The following GRHL2 variants were observed in gnomAD, a reference collection of about 807,000 sequenced individuals.
GRHL2 encodes the protein grainyhead-like protein 2 homolog.
GRHL2 carries 21 observed loss-of-function variants against 83.8 expected under a neutral mutation model. That is an observed-to-expected ratio of 0.25 (90% CI 0.18 to 0.36). GRHL2 has a LOEUF of 0.36. GRHL2 is among the 10% of genes least tolerant of loss of function. GRHL2 has a pLI of 1.00. For missense variants in GRHL2, 623 were observed against 781.8 expected (o/e 0.80, Z 2.42); for synonymous variants, 280 against 278.9 (o/e 1.00, Z -0.04).
rs3824091 is a variant in GRHL2 at position 101,666,989 on chromosome 8, G to A, written c.*286G>A. 0.25 allele frequency: 128,498 copies of A among 522,332 alleles called. 16,865 individuals carry two copies. Among genetic ancestry groups the A allele is most frequent in the African/African-American group, 0.35 (18,055 of 52,138 alleles). 32.4% of individuals were successfully genotyped at this position (522,332 alleles called of 1,614,324 possible). A position where few individuals can be genotyped will look rare whatever the true frequency, so the allele number is the denominator to read the frequency against. On this transcript the variant is annotated 3_prime_UTR_variant, in exon 16 of 16. Transcript: ENST00000646743. ...TTTCCTGGAGCCCAGGTCCAGGCCC[G>A]CCAGGACTCTGCAGGTCACTGCTAG... is the stretch of plus-strand genomic sequence containing the variant.
intron 7 of GRHL2, among the ~76,000 whole-genome samples, chr8:101,588,267 G>T (rs1385431388): frequency 6.6e-6 from 1 of 152,152 alleles, no homozygotes; most frequent in Non-Finnish European, 1.5e-5. Context: ...CATACAGTCT[G>T]GGGTCAGCAT....
chr8:101,543,201 C>T (rs1563572448), intron 1 of GRHL2, 40 bp from the exon 2 acceptor site: 4 of 1,537,578 alleles, frequency 2.6e-6, no homozygotes, highest in African/African-American at 1.4e-5. Flanking sequence ...AAAATTTGCT[C>T]TCTCTGAAAA....
intron 1 of GRHL2, among the ~76,000 whole-genome samples, chr8:101,517,469 A>G (rs551421335): frequency 1.3e-5 from 2 of 152,318 alleles, no homozygotes; most frequent in East Asian, 1.9e-4. Flanking sequence ...GCAAGCCACT[A>G]ATGGCCACCA....
At chr8:101,551,905 G>C (rs140626157) in intron 2 of GRHL2, among the ~76,000 whole-genome samples, 7,035 of 150,288 alleles carry the variant, frequency 0.047, 516 homozygotes, top group African/African-American at 0.16. Flanking sequence ...GCGCGATCTC[G>C]GCTCACTGCA....
At position 101,558,700 on chromosome 8, in the gene GRHL2, A is replaced by G. The variant is rs754164344; in HGVS notation, c.566A>G (p.Gln189Arg). The stretch of plus-strand genomic sequence containing the variant: ...GAGCAACGAGTGGTTATCTTTGAAC[A>G]GACTCAGTATGACGTGCCCTCGCTG... ...GEEQRVVIFEQTQYDVPSLAT... is the reference protein window; with the variant it reads ...GEEQRVVIFERTQYDVPSLAT... The change falls in exon 4 of 16, where the codon CAG becomes CGG. Residue 189 changes from glutamine to arginine, a missense_variant. Around this residue, in one of 8 missense-constraint regions of GRHL2, gnomAD observed 239 missense variants for 240.5 expected, o/e 0.99. Coordinates refer to ENST00000646743, the MANE Select transcript of GRHL2 (RefSeq NM_024915.4). 6.8e-6 allele frequency: 11 copies of G among 1,614,078 alleles called. No homozygotes were observed. Among genetic ancestry groups the G allele is most frequent in the East Asian group, 2.2e-5 (1 of 44,880 alleles).
intron 2 of GRHL2, among the ~76,000 whole-genome samples, chr8:101,545,258 A>G (rs1231611521): frequency 6.6e-6 from 1 of 152,158 alleles, no homozygotes; most frequent in East Asian, 1.9e-4. Flanking sequence ...ACTTATCAAG[A>G]GAGCCAGCAT....
chr8:101,508,656 T>C (rs1448859976), intron 1 of GRHL2, among the ~76,000 whole-genome samples: 1 of 152,164 alleles, frequency 6.6e-6, no homozygotes, highest in Non-Finnish European at 1.5e-5. Context: ...TAAAGTCCCC[T>C]GATCAATGAC....
chr8:101,563,709 ATTTTTTTTTTG>A (rs1274524892), intron 4 of GRHL2, among the ~76,000 whole-genome samples: 4 of 147,190 alleles, frequency 2.7e-5, no homozygotes, highest in South Asian at 2.1e-4. Flanking sequence ...TAGCAAACTT[ATTTTTTTTTTG>A]TTTTTTTTTG....
intron 7 of GRHL2, among the ~76,000 whole-genome samples, chr8:101,582,417 A>G (rs914407268): frequency 6.6e-6 from 1 of 152,158 alleles, no homozygotes; most frequent in Non-Finnish European, 1.5e-5. Flanking sequence ...GGCTGTGGAA[A>G]GGCTTGTATT....
At chr8:101,596,537 A>G (rs1167842627) in intron 7 of GRHL2, among the ~76,000 whole-genome samples, 1 of 152,266 alleles carries the variant, frequency 6.6e-6, no homozygotes, top group Non-Finnish European at 1.5e-5. Context: ...GGCCAAGACA[A>G]GCAAAATAAA....
chr8:101,586,524 G>C (rs1348318381), intron 7 of GRHL2, among the ~76,000 whole-genome samples: 1 of 152,124 alleles, frequency 6.6e-6, no homozygotes, highest in Admixed American at 6.5e-5. Flanking sequence ...AGAGTCCACT[G>C]TTCCCTCTGC....
intron 13 of GRHL2, among the ~76,000 whole-genome samples, chr8:101,646,819 T>C (rs1038087971): frequency 1.3e-5 from 2 of 152,236 alleles, no homozygotes; most frequent in Non-Finnish European, 2.9e-5. Flanking sequence ...TCAGTTGCTC[T>C]GCCACAGACA....
intron 1 of GRHL2, among the ~76,000 whole-genome samples, chr8:101,499,115 G>T (rs1810170236): frequency 6.6e-6 from 1 of 151,268 alleles, no homozygotes; most frequent in Non-Finnish European, 1.5e-5. Context: ...AACATACACA[G>T]AAGCATTTAA....
intron 7 of GRHL2, among the ~76,000 whole-genome samples, chr8:101,589,787 C>T (rs777317364): frequency 9.2e-5 from 14 of 152,014 alleles, no homozygotes; most frequent in East Asian, 1.9e-4. Flanking sequence ...TATTAATAGA[C>T]GGGTCACTCT....
In GRHL2 at chr8:101,533,937, A is replaced by C. The variant is rs112915540; in HGVS notation, c.21-9304A>C. Among the ~76,000 whole-genome samples, 975 of 152,302 alleles carry C rather than the reference A, an allele frequency of 6.4e-3. 6 individuals carry two copies. The highest frequency in any genetic ancestry group is 0.022 in the African/African-American group (930 of 41,566). The stretch of plus-strand genomic sequence containing the variant: ...CCTGGGGGACCTGGTAGGTCATTGT[A>C]ACAACCATCACTTCTATTCTAAAGG... On this transcript the variant is annotated intron_variant, in intron 1 of 15. Transcript: ENST00000646743.
chr8:101,633,335 C>A (rs1327988304), intron 11 of GRHL2, among the ~76,000 whole-genome samples: 2 of 152,114 alleles, frequency 1.3e-5, no homozygotes, highest in African/African-American at 2.4e-5. Context: ...AACCCAAAGT[C>A]CTTTGAGGAA....
chr8:101,517,925 G>T (rs1282907986), intron 1 of GRHL2, among the ~76,000 whole-genome samples: 2 of 152,132 alleles, frequency 1.3e-5, no homozygotes, highest in East Asian at 3.9e-4. Flanking sequence ...AGATAGAAGA[G>T]ACAGGCAACT....
In GRHL2 at chr8:101,545,264, A is replaced by C. The variant is rs16867821; in HGVS notation, c.216+1828A>C. 7.6e-3 allele frequency among the ~76,000 whole-genome samples: 1,150 copies of C among 152,258 alleles called. 13 individuals carry two copies. The highest frequency in any genetic ancestry group is 0.026 in the African/African-American group (1,070 of 41,540). ...GACTTTCCCACTTATCAAGAGAGCC[A>C]GCATTGGCAGATTGTGACCACCCTC... is the stretch of plus-strand genomic sequence containing the variant. On this transcript the variant is annotated intron_variant, in intron 2 of 15. Transcript: ENST00000646743.
rs147864476 is a variant in GRHL2, at chr8:101,594,339, T to C, written c.1004-4718T>C. Among the ~76,000 whole-genome samples, 310 of 152,302 alleles carry C rather than the reference T, an allele frequency of 2.0e-3. 8 individuals carry two copies. In the East Asian group the frequency reaches 0.027, roughly 13 times the overall value. On this transcript the variant is annotated intron_variant, in intron 7 of 15. Transcript: ENST00000646743. ...AGCAGCTCATTACTATGCCTTTTCC[T>C]GACTACAGCTGTCAACATTTACAAC...
Sources: gnomAD v4.1 joint callset for allele counts (sites outside exome capture counted in the v4.1 genomes callset) on GRCh38, gnomAD v4.1.1 for gene constraint, gnomAD v4.1.1 regional missense constraint, MANE v1.5 for transcripts, NCBI Gene and HGNC (gene_info 2026-07-23, HGNC 2026-07-21) for gene names.